The following FGD6 variants were observed in gnomAD, a reference collection of about 807,000 sequenced individuals.
FGD6 encodes the protein FYVE, RhoGEF and PH domain-containing protein 6.
FGD6 carries 90 observed loss-of-function variants against 149.4 expected under a neutral mutation model. That is an observed-to-expected ratio of 0.60 (90% CI 0.51 to 0.72). FGD6 has a LOEUF of 0.72. Ranked by LOEUF, FGD6 falls within the 30% of genes least tolerant of loss-of-function variation. The pLI is 0.00. For synonymous variants in FGD6, 527 were observed against 584.0 expected (o/e 0.90, Z 1.41); for missense variants, 1,437 against 1,684.8 (o/e 0.85, Z 2.57).
At chr12:95,105,746 G>A (rs1279612000) in intron 13 of FGD6, among the ~76,000 whole-genome samples, 1 of 152,180 alleles carries the variant, frequency 6.6e-6, no homozygotes, top group Non-Finnish European at 1.5e-5. Flanking sequence ...TAAACAGGCA[G>A]GGCGCAGTGG....
At chr12:95,179,427 C>T (rs989110583) in intron 2 of FGD6, among the ~76,000 whole-genome samples, 1 of 151,944 alleles carries the variant, frequency 6.6e-6, no homozygotes, top group African/African-American at 2.4e-5. Flanking sequence ...ATCACTTGAG[C>T]CCAAGAGGTC....
chr12:95,110,822 C>A (rs978029499), intron 9 of FGD6, among the ~76,000 whole-genome samples: 2 of 152,144 alleles, frequency 1.3e-5, no homozygotes, highest in Non-Finnish European at 2.9e-5. Context: ...GTCACCTGGT[C>A]TCCCAAGCTC....
At chr12:95,100,961 TG>T in intron 14 of FGD6, 1 of 370,516 alleles carries the variant, frequency 2.7e-6, no homozygotes. Context: ...GGCAGGAACT[TG>T]GATGAGATTC....
chr12:95,087,521 C>A (rs1877919605), intron 18 of FGD6, among the ~76,000 whole-genome samples: 1 of 152,100 alleles, frequency 6.6e-6, no homozygotes, highest in African/African-American at 2.4e-5. Flanking sequence ...AAGGCAAGGC[C>A]CCCAGTCTTG....
chr12:95,094,141 A>G (rs1304449751), intron 15 of FGD6, among the ~76,000 whole-genome samples: 1 of 151,996 alleles, frequency 6.6e-6, no homozygotes, highest in Non-Finnish European at 1.5e-5. Context: ...CCTGGGCAAT[A>G]AGAGTGAAAT....
chr12:95,138,621 CT>C (rs1318153177), intron 6 of FGD6, among the ~76,000 whole-genome samples: 1 of 151,958 alleles, frequency 6.6e-6, no homozygotes, highest in African/African-American at 2.4e-5. Context: ...TGTCACACTT[CT>C]CTTCCTCTTC....
Position 95,210,098 on chromosome 12 carries a change from C to T in FGD6, c.1186G>A (p.Asp396Asn). The T allele has an allele frequency of 6.2e-7, 1 of 1,614,140 alleles. No homozygotes were observed. Among genetic ancestry groups the T allele is most frequent in the Non-Finnish European group, 8.5e-7 (1 of 1,180,038 alleles). The change falls in exon 2 of 21, where the codon GAC becomes AAC. Residue 396 changes from aspartate to asparagine, a missense_variant. Physicochemically the swap from Asp to Asn is conservative, Grantham distance 23 (BLOSUM62 1). Transcript: ENST00000343958. ...LNMESNSDAQ[D>N]LVNSQKAMCN... Reference sequence around the variant, plus strand: ...ATGGCTTTCTGTGAATTGACTAAGTCCTGTGCATCACTGTTGGATTCCATA... The same window carrying T: ...ATGGCTTTCTGTGAATTGACTAAGTTCTGTGCATCACTGTTGGATTCCATA...
intron 12 of FGD6, 127 bp from the exon 13 acceptor site, chr12:95,107,164 A>G (rs940153707): frequency 5.4e-5 from 36 of 667,720 alleles, no homozygotes; most frequent in Non-Finnish European, 8.6e-5. Flanking sequence ...TAAAATACTT[A>G]TATTCTGCTA....
At chr12:95,108,096 C>A (rs1206627115) in intron 11 of FGD6, among the ~76,000 whole-genome samples, 1 of 152,068 alleles carries the variant, frequency 6.6e-6, no homozygotes, top group African/African-American at 2.4e-5. Context: ...GAAAACGATC[C>A]CATTAAATCA....
intron 3 of FGD6, among the ~76,000 whole-genome samples, chr12:95,159,950 T>C (rs1287991523): frequency 2.0e-5 from 3 of 151,818 alleles, no homozygotes; most frequent in African/African-American, 7.3e-5. Flanking sequence ...GAGGCTGCAG[T>C]GAGCTATCAT....
At chr12:95,162,383 C>G (rs115447954) in intron 3 of FGD6, among the ~76,000 whole-genome samples, 1 of 152,044 alleles carries the variant, frequency 6.6e-6, no homozygotes, top group Non-Finnish European at 1.5e-5. Flanking sequence ...ACTAGCTGGG[C>G]GCCGACAGTG....
intron 2 of FGD6, among the ~76,000 whole-genome samples, chr12:95,199,477 T>C (rs1016638014): frequency 2.0e-5 from 3 of 152,186 alleles, no homozygotes; most frequent in African/African-American, 7.2e-5. Context: ...AAGCAAATCA[T>C]ACCTGGACTT....
At chr12:95,172,533 T>G in intron 3 of FGD6, 67 bp downstream of exon 3, 1 of 1,363,852 alleles carries the variant, frequency 7.3e-7, no homozygotes, top group Non-Finnish European at 9.8e-7. Context: ...TCTGTGCCTA[T>G]TATGCAGACA....
intron 2 of FGD6, among the ~76,000 whole-genome samples, chr12:95,174,456 C>T (rs1034780125): frequency 6.6e-6 from 1 of 152,130 alleles, no homozygotes; most frequent in Non-Finnish European, 1.5e-5. Flanking sequence ...AGAAAACACA[C>T]GCTCAGGCCA....
intron 18 of FGD6, among the ~76,000 whole-genome samples, chr12:95,088,782 C>T (rs1475334717): frequency 6.6e-6 from 1 of 152,186 alleles, no homozygotes; most frequent in Non-Finnish European, 1.5e-5. Context: ...GCTGTAATTT[C>T]CATGAACCTC....
chr12:95,198,395 AT>A (rs1330993376), intron 2 of FGD6, among the ~76,000 whole-genome samples: 2 of 152,200 alleles, frequency 1.3e-5, no homozygotes, highest in African/African-American at 4.8e-5. Context: ...TCCTAGCATA[AT>A]GCTGGCATAT....
intron 8 of FGD6, among the ~76,000 whole-genome samples, chr12:95,114,493 C>CTGT (rs1555217714): frequency 2.1e-5 from 3 of 142,924 alleles, no homozygotes; most frequent in South Asian, 2.2e-4. Flanking sequence ...CACACACACA[C>CTGT]GTCAGACGTG....
chr12:95,173,842 C>G (rs1345391545), intron 2 of FGD6, among the ~76,000 whole-genome samples: 1 of 152,100 alleles, frequency 6.6e-6, no homozygotes, highest in African/African-American at 2.4e-5. Context: ...GGTCACTCAA[C>G]AGCCAAGGTT....
At chr12:95,142,386 G>A (rs1360449021) in intron 5 of FGD6, among the ~76,000 whole-genome samples, 1 of 151,518 alleles carries the variant, frequency 6.6e-6, no homozygotes, top group South Asian at 2.1e-4. Context: ...CTTCTGATTC[G>A]CCCGCCTCAG....
Sources: allele counts gnomAD v4.1 joint callset (sites outside exome capture counted in the v4.1 genomes callset), GRCh38; gene constraint gnomAD v4.1.1; transcripts MANE v1.5; gene names NCBI Gene and HGNC (gene_info 2026-07-23, HGNC 2026-07-21).